TMPRSS7: variants seen among roughly 807,000 people sequenced by gnomAD.
The protein encoded by TMPRSS7 is transmembrane serine protease 7.
In TMPRSS7, 81 loss-of-function variants were observed where a neutral mutation model predicts 95.6. The ratio of observed to expected loss-of-function variants is 0.85; its 90% CI spans 0.71 to 1.02. The LOEUF is 1.02. TMPRSS7 is among the 50% of genes least tolerant of loss of function. TMPRSS7 has a pLI of 0.00. For synonymous variants in TMPRSS7, 364 were observed against 337.8 expected (o/e 1.08, Z -0.85); for missense variants, 945 against 955.2 (o/e 0.99, Z 0.14).
chr3:112,058,491 T>C (rs1186231816), intron 10 of TMPRSS7, among the ~76,000 whole-genome samples: 1 of 152,194 alleles, frequency 6.6e-6, no homozygotes, highest in Non-Finnish European at 1.5e-5. Flanking sequence ...GTTTTTTGGT[T>C]TGCATTTACG....
At chr3:112,056,231 G>A (rs1346635762) in intron 9 of TMPRSS7, among the ~76,000 whole-genome samples, 2 of 151,996 alleles carry the variant, frequency 1.3e-5, no homozygotes, top group African/African-American at 2.4e-5. Context: ...TGACCATGAA[G>A]CATTCATAAA....
chr3:112,062,475 A>G (rs2073521321), intron 11 of TMPRSS7, among the ~76,000 whole-genome samples: 1 of 152,144 alleles, frequency 6.6e-6, no homozygotes. Flanking sequence ...TTAGAACTAC[A>G]GAGAGTGGGT....
chr3:112,078,656 T>C lies in TMPRSS7; in HGVS notation c.2225-86T>C, dbSNP rs993878248. The C allele has an allele frequency of 5.2e-6, 8 of 1,540,850 alleles. No individual in the cohort carries two copies. The African/African-American group carries it at 9.5e-5, about 18-fold the overall frequency. ...TTGCCGCTATGAGGGTAAAAGGAGA[T>C]AATGTGTGTTAACTTTTCAAATGAA... is the stretch of plus-strand genomic sequence containing the variant. On this transcript the variant is annotated intron_variant, in intron 16 of 17. Coordinates refer to ENST00000452346, the Ensembl canonical transcript of TMPRSS7.
intron 5 of TMPRSS7, 93 bp downstream of exon 5, chr3:112,046,036 A>G (rs1488876689): frequency 1.6e-5 from 18 of 1,095,756 alleles, no homozygotes; most frequent in African/African-American, 3.2e-5. Flanking sequence ...AAGCATTACA[A>G]TGTGGGATTA....
chr3:112,069,992 G>A (rs563219245), intron 13 of TMPRSS7, among the ~76,000 whole-genome samples: 13 of 152,236 alleles, frequency 8.5e-5, no homozygotes, highest in South Asian at 8.3e-4. Context: ...TCTACACACC[G>A]CTTTAAATGT....
chr3:112,036,830 T>C (rs2073152911), intron 1 of TMPRSS7, among the ~76,000 whole-genome samples: 1 of 152,216 alleles, frequency 6.6e-6, no homozygotes, highest in East Asian at 1.9e-4. Context: ...TTCACGGACA[T>C]TTATTGGTTC....
intron 7 of TMPRSS7, 99 bp downstream of exon 7, chr3:112,048,066 T>C (rs1239653047): frequency 8.8e-7 from 1 of 1,139,922 alleles, no homozygotes; most frequent in Non-Finnish European, 1.3e-6. Context: ...AAAAACAGTT[T>C]TTGTGTGCAC....
intron 6 of TMPRSS7, 125 bp downstream of exon 6, chr3:112,047,137 A>T: frequency 1.5e-6 from 1 of 657,218 alleles, no homozygotes. Flanking sequence ...ATGCATTCAA[A>T]CTGCCTTAAG....
At chr3:112,039,016 A>G (rs1040168924) in intron 2 of TMPRSS7, among the ~76,000 whole-genome samples, 2 of 151,976 alleles carry the variant, frequency 1.3e-5, no homozygotes, top group African/African-American at 4.8e-5. Context: ...TCCACCCACC[A>G]CCTGTTTCTA....
At chr3:112,076,629 T>C (rs535431335) in intron 15 of TMPRSS7, among the ~76,000 whole-genome samples, 10 of 152,304 alleles carry the variant, frequency 6.6e-5, no homozygotes, top group Non-Finnish European at 1.0e-4. Flanking sequence ...CTTAGGACAC[T>C]GTTGAGTGAA....
chr3:112,044,905 CT>C (rs1469592332), intron 4 of TMPRSS7, among the ~76,000 whole-genome samples: 1 of 152,156 alleles, frequency 6.6e-6, no homozygotes, highest in Non-Finnish European at 1.5e-5. Context: ...TGTTATGTTC[CT>C]TTCCTAAAAC....
At chr3:112,061,535 A>G (rs1398715058) in intron 10 of TMPRSS7, among the ~76,000 whole-genome samples, 1 of 152,224 alleles carries the variant, frequency 6.6e-6, no homozygotes, top group Non-Finnish European at 1.5e-5. Flanking sequence ...TCTTTGGATC[A>G]TAAGTGATGG....
At chr3:112,038,884 G>C (rs1304073522) in intron 2 of TMPRSS7, among the ~76,000 whole-genome samples, 1 of 152,018 alleles carries the variant, frequency 6.6e-6, no homozygotes, top group Non-Finnish European at 1.5e-5. Flanking sequence ...AAGAGGAGGA[G>C]ATTGGGGATA....
intron 2 of TMPRSS7, among the ~76,000 whole-genome samples, chr3:112,041,129 C>T (rs2073202463): frequency 6.7e-6 from 1 of 150,034 alleles, no homozygotes; most frequent in African/African-American, 2.5e-5. Flanking sequence ...ATAAAAAAAC[C>T]AAAAACCAAA....
Position 112,080,950 on chromosome 3 carries a change from A to C in TMPRSS7, c.2398A>C (p.Ser800Arg), listed in dbSNP as rs1559966384. 1 of 1,613,712 alleles carries C rather than the reference A, an allele frequency of 6.2e-7. No individual in the cohort carries two copies. The highest frequency in any genetic ancestry group is 8.5e-7 in the Non-Finnish European group (1 of 1,179,936). ...TGGACCTTTATCTTGTCGAAGAAAA[A>C]GTGATGGAAAATGGATTTTGACTGG... The change falls in exon 18 of 18, where the codon AGT becomes CGT. Residue 800 changes from serine to arginine, a missense_variant. By Grantham distance (110) the Ser-to-Arg change is moderately radical. Transcript: ENST00000452346.
In TMPRSS7 at chr3:112,078,644, G is replaced by A. The variant is rs2073740961; in HGVS notation, c.2225-98G>A. On this transcript the variant is annotated intron_variant, in intron 16 of 17. Transcript: ENST00000452346. ...ACCTCAAGGGAATTGCCGCTATGAG[G>A]GTAAAAGGAGATAATGTGTGTTAAC... The A allele has an allele frequency of 3.4e-6, 5 of 1,491,894 alleles. No individual in the cohort carries two copies. In the South Asian group the frequency reaches 6.1e-5, roughly 18 times the overall value. The allele number at this position is 1,491,894 out of a possible 1,614,324, so 92.4% of individuals were successfully genotyped here.
chr3:112,042,540 G>A (rs567941625), intron 3 of TMPRSS7, among the ~76,000 whole-genome samples: 11 of 151,988 alleles, frequency 7.2e-5, no homozygotes, highest in East Asian at 5.8e-4. Flanking sequence ...TGTCATCACC[G>A]GAGACAAAGC....
At chr3:112,051,619 C>CTA (rs1553763330) in intron 9 of TMPRSS7, among the ~76,000 whole-genome samples, 3 of 131,608 alleles carry the variant, frequency 2.3e-5, no homozygotes, top group Middle Eastern at 3.9e-3. Flanking sequence ...ATCTATCTAT[C>CTA]TCTATCATCT....
intron 3 of TMPRSS7, 125 bp downstream of exon 3, chr3:112,042,175 C>A: frequency 3.1e-6 from 2 of 647,524 alleles, no homozygotes; most frequent in Non-Finnish European, 5.1e-6. Context: ...GCAGGGTAGA[C>A]AAAGGAAGGT....
Sources: gnomAD v4.1 joint callset for allele counts (sites outside exome capture counted in the v4.1 genomes callset) on GRCh38, gnomAD v4.1.1 for gene constraint, MANE v1.5 for transcripts, NCBI Gene and HGNC (gene_info 2026-07-23, HGNC 2026-07-21) for gene names.